FIP1L1: variants seen among roughly 807,000 people sequenced by gnomAD.
The protein encoded by FIP1L1 is pre-mRNA 3'-end-processing factor FIP1.
In FIP1L1, 21 loss-of-function variants were observed where a neutral mutation model predicts 84.6. The ratio of observed to expected loss-of-function variants is 0.25; its 90% confidence interval spans 0.18 to 0.36. FIP1L1 has a LOEUF of 0.36. Ranked by LOEUF, FIP1L1 falls within the 10% of genes least tolerant of loss-of-function variation. The pLI is 1.00. For missense variants in FIP1L1, 526 were observed against 751.1 expected (o/e 0.70, Z 3.50); for synonymous variants, 263 against 242.3 (o/e 1.09, Z -0.80).
intron 3 of FIP1L1, among the ~76,000 whole-genome samples, chr4:53,381,793 G>T (rs545547238): frequency 1.0e-3 from 85 of 81,048 alleles, no homozygotes; most frequent in African/African-American, 3.7e-3. Context: ...AGCATCTCAC[G>T]CTGTCGCCCA....
chr4:53,413,656 T>G lies in FIP1L1; in HGVS notation c.816-959T>G, dbSNP rs565380525. 2.0e-5 allele frequency among the ~76,000 whole-genome samples: 3 copies of G among 152,240 alleles called. No homozygotes were observed. The South Asian group carries it at 6.2e-4, about 32-fold the overall frequency. On this transcript the variant is annotated intron_variant, in intron 10 of 17. Coordinates refer to ENST00000337488, the MANE Select transcript of FIP1L1 (RefSeq NM_030917.4). ...TGTTTACAGTTTTTTCTTTGTCTCT[T>G]TTTAGGCTAAGGGTATATAATTCAG...
chr4:53,412,251 C>T, intron 10 of FIP1L1, among the ~76,000 whole-genome samples: 1 of 152,044 alleles, frequency 6.6e-6, no homozygotes, highest in East Asian at 1.9e-4. Flanking sequence ...GCATGTATTT[C>T]CTCAGAACGA....
chr4:53,386,367 A>ACT (rs1456010854), intron 5 of FIP1L1, among the ~76,000 whole-genome samples: 1 of 152,208 alleles, frequency 6.6e-6, no homozygotes, highest in Non-Finnish European at 1.5e-5. Flanking sequence ...CAAATTAGAT[A>ACT]AAGTTACATG....
intron 13 of FIP1L1, among the ~76,000 whole-genome samples, chr4:53,429,082 C>T (rs1352361909): frequency 6.6e-6 from 1 of 152,180 alleles, no homozygotes; most frequent in African/African-American, 2.4e-5. Context: ...GAACCAAATC[C>T]AGGGTCTGAA....
chr4:53,379,843 T>TAAAGA (rs1206092793), intron 3 of FIP1L1, among the ~76,000 whole-genome samples: 1 of 152,200 alleles, frequency 6.6e-6, no homozygotes, highest in Admixed American at 6.5e-5. Context: ...GCAAGCCATG[T>TAAAGA]AAAGAAGTAC....
At chr4:53,384,373 T>A (rs1451547651) in intron 5 of FIP1L1, among the ~76,000 whole-genome samples, 1 of 152,018 alleles carries the variant, frequency 6.6e-6, no homozygotes, top group Admixed American at 6.5e-5. Context: ...CGAGCCACTG[T>A]ACTCCAGCCT....
chr4:53,408,577 T>C (rs1352250174), intron 10 of FIP1L1, among the ~76,000 whole-genome samples: 2 of 152,222 alleles, frequency 1.3e-5, no homozygotes, highest in Non-Finnish European at 2.9e-5. Context: ...CTGGATAATA[T>C]CCTGCAGAGT....
At chr4:53,382,060 C>T (rs745457241) in intron 3 of FIP1L1, among the ~76,000 whole-genome samples, 1 of 151,910 alleles carries the variant, frequency 6.6e-6, no homozygotes. Context: ...TGAGCCTCCA[C>T]GCCCAGCCTG....
intron 5 of FIP1L1, among the ~76,000 whole-genome samples, chr4:53,388,362 TAG>T (rs1742265653): frequency 2.0e-5 from 3 of 151,104 alleles, no homozygotes; most frequent in Non-Finnish European, 2.9e-5. Context: ...TTTTTTGAGA[TAG>T]AGTCTCGCTC....
At chr4:53,408,388 T>C (rs1244007364) in intron 10 of FIP1L1, among the ~76,000 whole-genome samples, 4 of 152,224 alleles carry the variant, frequency 2.6e-5, no homozygotes, top group African/African-American at 9.7e-5. Context: ...GGGCTTCACT[T>C]TGTGGGTAAC....
chr4:53,386,193 A>G (rs1230580312), intron 5 of FIP1L1, among the ~76,000 whole-genome samples: 1 of 152,178 alleles, frequency 6.6e-6, no homozygotes, highest in African/African-American at 2.4e-5. Flanking sequence ...TGTACTCAAT[A>G]AATAATTTTT....
intron 1 of FIP1L1, 59 bp from the exon 2 acceptor site, chr4:53,379,014 A>G: frequency 3.3e-6 from 5 of 1,536,448 alleles, no homozygotes; most frequent in African/African-American, 1.4e-5. Flanking sequence ...TTTTTTTTCC[A>G]TAAAATAAGT....
In FIP1L1 at chr4:53,412,886, T is replaced by C. The variant is rs1337979079; in HGVS notation, c.816-1729T>C. Among the ~76,000 whole-genome samples the C allele has an allele frequency of 6.6e-5, 10 of 152,094 alleles. No individual in the cohort carries two copies. In the South Asian group the frequency reaches 1.0e-3, roughly 16 times the overall value. ...AGTTATTACTGTAATGGCTGCAAAA[T>C]AGTGATTATGTAACTCTTATTTCTC... On this transcript the variant is annotated intron_variant, in intron 10 of 17. Coordinates refer to ENST00000337488, the MANE Select transcript of FIP1L1 (RefSeq NM_030917.4).
At chr4:53,429,223 A>G (rs957444862) in intron 13 of FIP1L1, among the ~76,000 whole-genome samples, 4 of 152,198 alleles carry the variant, frequency 2.6e-5, no homozygotes, top group Non-Finnish European at 5.9e-5. Context: ...AATATGAAAA[A>G]ATGACTTGTG....
chr4:53,418,680 A>G (rs1201945986), intron 11 of FIP1L1, among the ~76,000 whole-genome samples: 2 of 152,114 alleles, frequency 1.3e-5, no homozygotes, highest in African/African-American at 4.8e-5. Flanking sequence ...TTCAAGTGAT[A>G]GTTTATTTTT....
At chr4:53,411,537 A>C (rs1757224362) in intron 10 of FIP1L1, among the ~76,000 whole-genome samples, 1 of 152,158 alleles carries the variant, frequency 6.6e-6, no homozygotes, top group Non-Finnish European at 1.5e-5. Context: ...CTTTGAAAGT[A>C]AAATTGTATT....
chr4:53,427,108 C>T (rs1426405496), intron 12 of FIP1L1, among the ~76,000 whole-genome samples: 12 of 152,034 alleles, frequency 7.9e-5, no homozygotes, highest in Non-Finnish European at 1.5e-4. Context: ...TAAAATGCCA[C>T]GATTTCTCAA....
chr4:53,413,845 A>G (rs1002647006), intron 10 of FIP1L1, among the ~76,000 whole-genome samples: 2 of 152,070 alleles, frequency 1.3e-5, no homozygotes, highest in African/African-American at 2.4e-5. Flanking sequence ...TCGAAAGGCA[A>G]GAGTATCCAA....
chr4:53,428,612 G>A (rs991424680), intron 13 of FIP1L1, among the ~76,000 whole-genome samples: 6 of 152,016 alleles, frequency 3.9e-5, no homozygotes, highest in South Asian at 2.1e-4. Context: ...TCTGTATACC[G>A]GTTTCCTTTT....
Sources: gnomAD v4.1 joint callset for allele counts (sites outside exome capture counted in the v4.1 genomes callset) on GRCh38, gnomAD v4.1.1 for gene constraint, MANE v1.5 for transcripts, NCBI Gene and HGNC (gene_info 2026-07-23, HGNC 2026-07-21) for gene names.